The following SCOC variants were observed in gnomAD, a reference collection of about 807,000 sequenced individuals.
SCOC encodes short coiled coil protein.
SCOC carries 7 observed loss-of-function variants against 9.9 expected under a neutral mutation model. That is an observed-to-expected ratio of 0.71 (90% CI 0.40 to 1.33). The LOEUF (loss-of-function observed/expected upper bound fraction) is 1.33. Ranked by LOEUF, SCOC falls within the 40% of genes most tolerant of loss-of-function variation. The pLI is 0.01. For synonymous variants in SCOC, 19 were observed against 28.2 expected, an observed-to-expected ratio of 0.67 and a Z score of 1.03; for missense variants, 66 against 89.7, an observed-to-expected ratio of 0.74 and a Z score of 1.07.
intron 1 of SCOC, chr4:140,291,662 A>G (rs1731476407): frequency 2.7e-6 from 1 of 375,830 alleles, no homozygotes; most frequent in African/African-American, 2.1e-5. Context: ...TGTTCTGGGA[A>G]TAAAATCACA....
chr4:140,355,420 T>C (rs918775927), intron 2 of SCOC, among the ~76,000 whole-genome samples: 7 of 152,064 alleles, frequency 4.6e-5, no homozygotes, highest in African/African-American at 1.7e-4. Context: ...ATATTATCCC[T>C]GTTTTTCAGA....
intron 2 of SCOC, chr4:140,366,462 G>A (rs141517500): frequency 0.011 from 16,226 of 1,538,966 alleles, 124 homozygotes; most frequent in Non-Finnish European, 0.013. Flanking sequence ...GAAGCTTTTG[G>A]AGAGCTGCCT....
At chr4:140,300,893 A>T (rs1382216072) in intron 1 of SCOC, among the ~76,000 whole-genome samples, 1 of 152,206 alleles carries the variant, frequency 6.6e-6, no homozygotes, top group Non-Finnish European at 1.5e-5. Flanking sequence ...GAGTCTCAGG[A>T]CAGAGGGCTG....
At chr4:140,366,553 T>C in intron 2 of SCOC, 2 of 1,589,268 alleles carry the variant, frequency 1.3e-6, no homozygotes, top group Non-Finnish European at 1.7e-6. Context: ...ATCTGTCATC[T>C]TGGCTTTCCT....
rs1167554731 is a variant in SCOC, at chr4:140,272,284, C to T, written c.-19+14874C>T. On this transcript the variant is annotated intron_variant, in intron 1 of 4. Coordinates refer to the SCOC transcript ENST00000394205. ...TGCCTAGGGTGGTCCCAAACTCTTACGCTCAAGGGATTCTCCCAATCTGGC... is the reference window on the plus strand; with the variant it reads ...TGCCTAGGGTGGTCCCAAACTCTTATGCTCAAGGGATTCTCCCAATCTGGC... Among the ~76,000 whole-genome samples, 7 of 151,242 alleles carry T rather than the reference C, an allele frequency of 4.6e-5. No individual in the cohort carries two copies. The East Asian group carries it at 9.7e-4, about 21-fold the overall frequency.
At chr4:140,313,142 T>C (rs978703128) in intron 1 of SCOC, among the ~76,000 whole-genome samples, 1 of 152,256 alleles carries the variant, frequency 6.6e-6, no homozygotes, top group African/African-American at 2.4e-5. Flanking sequence ...GGAATCCTGA[T>C]GTTATTCAAT....
chr4:140,316,774 T>C (rs752210172), intron 1 of SCOC, among the ~76,000 whole-genome samples: 1 of 152,192 alleles, frequency 6.6e-6, no homozygotes, highest in Non-Finnish European at 1.5e-5. Flanking sequence ...AAATATAAAA[T>C]ATTTTCAATG....
chr4:140,306,154 G>A (rs901331287), intron 1 of SCOC, among the ~76,000 whole-genome samples: 7 of 152,120 alleles, frequency 4.6e-5, no homozygotes, highest in East Asian at 1.9e-4. Flanking sequence ...CAATGGTGGC[G>A]GAAGGTGAAT....
At chr4:140,328,659 A>G (rs11100615) in intron 1 of SCOC, among the ~76,000 whole-genome samples, 26,338 of 152,212 alleles carry the variant, frequency 0.17, 2,564 homozygotes, top group African/African-American at 0.25. Flanking sequence ...TGTTGGATAC[A>G]TATTACGTAT....
intron 1 of SCOC, among the ~76,000 whole-genome samples, chr4:140,300,604 G>A (rs536674201): frequency 3.9e-4 from 59 of 152,310 alleles, no homozygotes; most frequent in African/African-American, 1.4e-3. Flanking sequence ...AAAACCTTCC[G>A]AGTGTTTGAA....
intron 1 of SCOC, among the ~76,000 whole-genome samples, chr4:140,326,522 C>T (rs1328689019): frequency 1.3e-5 from 2 of 152,098 alleles, no homozygotes; most frequent in African/African-American, 4.8e-5. Context: ...ATAATTTCTT[C>T]ACTTGTGTCC....
At chr4:140,315,896 C>T (rs542322498) in intron 1 of SCOC, among the ~76,000 whole-genome samples, 1 of 151,998 alleles carries the variant, frequency 6.6e-6, no homozygotes, top group Non-Finnish European at 1.5e-5. Flanking sequence ...ATAGGCCCAA[C>T]ATGTACTGTA....
intron 2 of SCOC, among the ~76,000 whole-genome samples, chr4:140,353,870 C>G (rs544079267): frequency 6.6e-6 from 1 of 152,216 alleles, no homozygotes; most frequent in Admixed American, 6.5e-5. Context: ...CTCTTTTCAG[C>G]CCTTACTCAC....
At chr4:140,334,909 C>T (rs948640349) in intron 1 of SCOC, among the ~76,000 whole-genome samples, 2 of 151,980 alleles carry the variant, frequency 1.3e-5, no homozygotes, top group African/African-American at 4.8e-5. Context: ...CAAGACCAGC[C>T]TGGGCAACAT....
intron 2 of SCOC, among the ~76,000 whole-genome samples, chr4:140,359,884 G>C (rs371699145): frequency 6.6e-6 from 1 of 152,164 alleles, no homozygotes; most frequent in South Asian, 2.1e-4. Context: ...CTCTTCCTCC[G>C]CATGGAACTC....
chr4:140,340,468 A>C (rs909646434), upstream of SCOC, among the ~76,000 whole-genome samples: 1 of 152,138 alleles, frequency 6.6e-6, no homozygotes, highest in African/African-American at 2.4e-5. Flanking sequence ...GTATAATAAA[A>C]AAAAAAGAAA....
intron 1 of SCOC, among the ~76,000 whole-genome samples, chr4:140,300,481 G>A (rs181385112): frequency 7.9e-5 from 12 of 152,344 alleles, no homozygotes; most frequent in Admixed American, 5.9e-4. Context: ...CAGCACGTGA[G>A]TCATCAGCAC....
At chr4:140,378,127 C>T (rs541599820) in intron 1 of SCOC, among the ~76,000 whole-genome samples, 48 of 152,078 alleles carry the variant, frequency 3.2e-4, no homozygotes, top group Non-Finnish European at 6.2e-4. Context: ...TTATTTACAT[C>T]CTGATTAGTC....
At chr4:140,321,653 C>T (rs761471198) in intron 1 of SCOC, among the ~76,000 whole-genome samples, 1 of 151,908 alleles carries the variant, frequency 6.6e-6, no homozygotes, top group Non-Finnish European at 1.5e-5. Flanking sequence ...AGAAGGAGAA[C>T]AGAGTGGAAA....
Sources: allele counts gnomAD v4.1 joint callset (sites outside exome capture counted in the v4.1 genomes callset), GRCh38; gene constraint gnomAD v4.1.1; transcripts MANE v1.5; gene names NCBI Gene and HGNC (gene_info 2026-07-23, HGNC 2026-07-21).